Variants in RIN2 observed in about 807,000 individuals in gnomAD.
RIN2 encodes the protein Ras and Rab interactor 2, also known as RAB5 interacting protein 2.
RIN2 carries 36 observed loss-of-function variants against 78.0 expected under a neutral mutation model. The observed-to-expected ratio is 0.46, with a 90% CI of 0.35 to 0.61. The LOEUF (loss-of-function observed/expected upper bound fraction) is 0.61, where lower values mean the gene tolerates loss of function less well. Ranked by LOEUF, RIN2 falls within the 20% of genes least tolerant of loss-of-function variation. The pLI, the probability that RIN2 is intolerant of heterozygous loss-of-function variation, is 0.00. For synonymous variants in RIN2, 466 were observed against 466.8 expected, an observed-to-expected ratio of 1.00 and a Z score of 0.02; for missense variants, 1,087 against 1,159.7, an observed-to-expected ratio of 0.94 and a Z score of 0.91.
Position 19,946,240 on chromosome 20 carries a change from G to A in RIN2, c.159-10375G>A, listed in dbSNP as rs199538. Among the ~76,000 whole-genome samples the A allele has an allele frequency of 6.8e-3, 1,040 of 152,252 alleles. 12 individuals are homozygous for A. The highest frequency in any genetic ancestry group is 0.024 in the African/African-American group (1,004 of 41,532). On this transcript the variant is annotated intron_variant, in intron 4 of 12. Coordinates refer to ENST00000255006, the MANE Select transcript of RIN2 (RefSeq NM_018993.4). ...TGGGGTAGGGGCCCTGGAGGTGTGG[G>A]GACAGTAGGGAAGGAATGTGATGGG...
chr20:19,801,739 C>G (rs1036797433), intron 2 of RIN2, among the ~76,000 whole-genome samples: 1 of 152,156 alleles, frequency 6.6e-6, no homozygotes, highest in African/African-American at 2.4e-5. Flanking sequence ...CTTACCTGAG[C>G]AGATACCTAA....
At chr20:19,828,322 G>C (rs759026940) in intron 2 of RIN2, among the ~76,000 whole-genome samples, 2 of 152,090 alleles carry the variant, frequency 1.3e-5, no homozygotes, top group South Asian at 4.1e-4. Flanking sequence ...GTTCCTCCCC[G>C]TGAATCGGAA....
intron 4 of RIN2, among the ~76,000 whole-genome samples, chr20:19,942,240 G>A (rs891525484): frequency 2.6e-5 from 4 of 152,092 alleles, no homozygotes; most frequent in African/African-American, 4.8e-5. Context: ...ATCATGTAAC[G>A]AAATGGGACA....
chr20:19,815,702 G>A (rs1053675009), intron 2 of RIN2, among the ~76,000 whole-genome samples: 1 of 152,046 alleles, frequency 6.6e-6, no homozygotes, highest in Non-Finnish European at 1.5e-5. Context: ...TTTCATTCCT[G>A]AGCACTGTGA....
At chr20:19,801,406 T>C (rs572925560) in intron 2 of RIN2, among the ~76,000 whole-genome samples, 347 of 152,236 alleles carry the variant, frequency 2.3e-3, no homozygotes, top group African/African-American at 7.9e-3. Flanking sequence ...CTGCAATCTC[T>C]GCCTTTCGGG....
At chr20:19,943,350 T>G (rs2040956233) in intron 4 of RIN2, among the ~76,000 whole-genome samples, 1 of 152,206 alleles carries the variant, frequency 6.6e-6, no homozygotes, top group Admixed American at 6.5e-5. Context: ...ACATGAGCTT[T>G]TGTTCCCATT....
chr20:19,996,868 T>C, intron 12 of RIN2, 26 bp downstream of exon 12: 35 of 1,544,150 alleles, frequency 2.3e-5, no homozygotes, highest in Non-Finnish European at 3.1e-5. Context: ...CCCCTTTGCT[T>C]CCTTCGTCCT....
intron 2 of RIN2, among the ~76,000 whole-genome samples, chr20:19,858,945 G>T (rs1410319890): frequency 2.0e-5 from 3 of 152,192 alleles, no homozygotes; most frequent in African/African-American, 7.2e-5. Flanking sequence ...CTGCAAACAC[G>T]GTGGAGGACA....
chr20:19,833,296 T>TATATATATATATATATATATATATATATA (rs1568794611), intron 2 of RIN2, among the ~76,000 whole-genome samples: 4 of 152,138 alleles, frequency 2.6e-5, no homozygotes, highest in African/African-American at 7.2e-5. Flanking sequence ...TATATATATA[T>TATATATATATATATATATATATATATATA]TTTAACTTTA....
At chr20:19,854,933 G>A (rs374055943) in intron 2 of RIN2, among the ~76,000 whole-genome samples, 1 of 152,198 alleles carries the variant, frequency 6.6e-6, no homozygotes, top group South Asian at 2.1e-4. Flanking sequence ...TAGGAGTGGT[G>A]AGAGAGGGCA....
intron 3 of RIN2, among the ~76,000 whole-genome samples, chr20:19,907,586 A>G (rs2039272808): frequency 6.6e-6 from 1 of 152,242 alleles, no homozygotes; most frequent in Admixed American, 6.5e-5. Context: ...CAAAGAAGAT[A>G]CAGAGATGCA....
chr20:19,965,407 G>A (rs931284600), intron 7 of RIN2, among the ~76,000 whole-genome samples: 3 of 152,030 alleles, frequency 2.0e-5, no homozygotes, highest in Admixed American at 2.0e-4. Context: ...CACAGAAAGG[G>A]AATGTGCATG....
chr20:19,982,342 T>C (rs13433085), intron 9 of RIN2, among the ~76,000 whole-genome samples: 3,730 of 152,286 alleles, frequency 0.024, 119 homozygotes, highest in African/African-American at 0.072. Flanking sequence ...AGACTTGGCA[T>C]CTGACCTGAG....
chr20:19,943,826 G>T (rs1282818413), intron 4 of RIN2, among the ~76,000 whole-genome samples: 1 of 152,042 alleles, frequency 6.6e-6, no homozygotes, highest in Non-Finnish European at 1.5e-5. Flanking sequence ...TGGGTAAAAG[G>T]TTTCTTCTGC....
chr20:19,779,258 C>G (rs1014599644), intron 1 of RIN2, among the ~76,000 whole-genome samples: 1 of 152,032 alleles, frequency 6.6e-6, no homozygotes, highest in African/African-American at 2.4e-5. Flanking sequence ...AATGCTGTGT[C>G]CTGTGTGTCA....
intron 2 of RIN2, among the ~76,000 whole-genome samples, chr20:19,866,474 C>A (rs767315847): frequency 2.6e-5 from 4 of 152,102 alleles, no homozygotes; most frequent in Non-Finnish European, 4.4e-5. Flanking sequence ...TGCAGAGAGA[C>A]ATGTTACATC....
intron 1 of RIN2, among the ~76,000 whole-genome samples, chr20:19,780,885 C>T (rs1449403388): frequency 2.6e-5 from 4 of 152,164 alleles, no homozygotes; most frequent in Non-Finnish European, 4.4e-5. Context: ...TGTGCTGTGG[C>T]TTTACATGTA....
intron 3 of RIN2, among the ~76,000 whole-genome samples, chr20:19,900,945 CAAAA>C (rs869239642): frequency 0.012 from 365 of 29,536 alleles, 3 homozygotes; most frequent in African/African-American, 0.024. Flanking sequence ...AGCTCTGTCT[CAAAA>C]AAAAAAAAAA....
chr20:19,823,555 T>G, intron 2 of RIN2: 3 of 1,379,362 alleles, frequency 2.2e-6, no homozygotes, highest in Non-Finnish European at 3.1e-6. Flanking sequence ...CAGGATCTCT[T>G]TAGTGGTTCC....
Sources: gnomAD v4.1 joint callset for allele counts (sites outside exome capture counted in the v4.1 genomes callset) on GRCh38, gnomAD v4.1.1 for gene constraint, MANE v1.5 for transcripts, NCBI Gene and HGNC (gene_info 2026-07-23, HGNC 2026-07-21) for gene names.